DAPK1: variants seen among roughly 807,000 people sequenced by gnomAD.
DAPK1 encodes the protein death associated protein kinase 1.
DAPK1 carries 56 observed loss-of-function variants against 144.9 expected under a neutral mutation model. That is an observed-to-expected ratio of 0.39 (90% CI 0.31 to 0.48). The LOEUF is 0.48. Among genes scored for constraint, DAPK1 ranks in the 20% least tolerant of loss-of-function variants. DAPK1 has a pLI of 0.95. For synonymous variants in DAPK1, 690 were observed against 749.0 expected, an observed-to-expected ratio of 0.92 and a Z score of 1.29; for missense variants, 1,454 against 1,875.4, an observed-to-expected ratio of 0.78 and a Z score of 4.15.
chr9:87,649,523 G>C (rs1355962539), intron 15 of DAPK1, among the ~76,000 whole-genome samples: 1 of 152,226 alleles, frequency 6.6e-6, no homozygotes, highest in Non-Finnish European at 1.5e-5. Context: ...ACTGTTAGTA[G>C]TTTCAGATAA....
rs140399551 is a variant in DAPK1 at position 87,593,147 on chromosome 9, A to G, written c.63-11807A>G. ...CTACCCTCAGTTGTATTCAGTCTCC[A>G]GAGCAGGACAGACCTGTGAATGGTG... On this transcript the variant is annotated intron_variant, in intron 2 of 25. Coordinates refer to ENST00000408954, the MANE Select transcript of DAPK1 (RefSeq NM_004938.4). Among the ~76,000 whole-genome samples the G allele has an allele frequency of 1.7e-3, 260 of 152,358 alleles. 5 individuals carry two copies. Among genetic ancestry groups the G allele is most frequent in the African/African-American group, 6.1e-3 (252 of 41,596 alleles).
At chr9:87,594,703 C>G (rs750352221) in intron 2 of DAPK1, among the ~76,000 whole-genome samples, 4 of 152,218 alleles carry the variant, frequency 2.6e-5, no homozygotes, top group Non-Finnish European at 5.9e-5. Context: ...ACCCAAAATA[C>G]CCAGCCCCAC....
At chr9:87,684,521 C>A (rs989430360) in intron 20 of DAPK1, among the ~76,000 whole-genome samples, 1 of 152,196 alleles carries the variant, frequency 6.6e-6, no homozygotes, top group Non-Finnish European at 1.5e-5. Flanking sequence ...CGCTGGAGGC[C>A]AAGGCTGAGC....
chr9:87,598,528 A>G (rs985922396), intron 2 of DAPK1, among the ~76,000 whole-genome samples: 17 of 152,058 alleles, frequency 1.1e-4, no homozygotes, highest in Admixed American at 5.9e-4. Flanking sequence ...AACTTGTTCT[A>G]ATGGCATGTC....
At chr9:87,634,442 C>T (rs1829816363) in intron 3 of DAPK1, among the ~76,000 whole-genome samples, 1 of 152,240 alleles carries the variant, frequency 6.6e-6, no homozygotes, top group Non-Finnish European at 1.5e-5. Context: ...CATCGTCGTA[C>T]TTCTTGCATC....
rs776863449 is a variant in DAPK1, at chr9:87,686,608, G to A, written c.2282G>A (p.Arg761His). 10 of 1,604,810 alleles carry A rather than the reference G, an allele frequency of 6.2e-6. No homozygotes were observed. The highest frequency in any genetic ancestry group is 1.7e-5 in the Admixed American group (1 of 59,002). The change falls in exon 21 of 26, where the codon CGC (arginine) becomes CAC (histidine). Residue 761 changes from arginine to histidine, a missense_variant. Physicochemically the swap from Arg to His is conservative, Grantham distance 29. Coordinates refer to ENST00000408954, the MANE Select transcript of DAPK1 (RefSeq NM_004938.4). The surrounding 1 kb of genome is among the most constrained non-coding windows in gnomAD (Gnocchi z 4.2). Reference sequence around the variant, plus strand: ...TGCGAGAACGTGAGTGTGAGGAGCCGCAGCATGATGTTCGAGCCGGGTCTT... The same window carrying A: ...TGCGAGAACGTGAGTGTGAGGAGCCACAGCATGATGTTCGAGCCGGGTCTT... ...PGCENVSVRSRSMMFEPGLTK... is the reference protein window; with the variant it reads ...PGCENVSVRSHSMMFEPGLTK...
At chr9:87,585,342 G>A (rs1018640191) in intron 2 of DAPK1, among the ~76,000 whole-genome samples, 4 of 152,138 alleles carry the variant, frequency 2.6e-5, no homozygotes, top group African/African-American at 7.2e-5. Flanking sequence ...ACAGGAATTC[G>A]CTAAACAGGG....
intron 2 of DAPK1, among the ~76,000 whole-genome samples, chr9:87,583,078 C>T (rs908883203): frequency 1.3e-5 from 2 of 151,988 alleles, no homozygotes; most frequent in Admixed American, 6.5e-5. Flanking sequence ...AATGGCATGC[C>T]GTTTTTCTTT....
At chr9:87,628,580 G>C (rs190461728) in intron 3 of DAPK1, among the ~76,000 whole-genome samples, 5 of 152,264 alleles carry the variant, frequency 3.3e-5, no homozygotes, top group East Asian at 1.9e-4. Context: ...ACCCTTCAAG[G>C]CTTCCCCTAA....
chr9:87,497,771 A>G (rs961333508), upstream of DAPK1: 6 of 338,344 alleles, frequency 1.8e-5, no homozygotes, highest in Non-Finnish European at 2.7e-5. Flanking sequence ...GGCAGCTCGG[A>G]GGTGGGTGGG....
chr9:87,554,710 C>G (rs984430543), intron 2 of DAPK1, among the ~76,000 whole-genome samples: 1 of 152,158 alleles, frequency 6.6e-6, no homozygotes, highest in African/African-American at 2.4e-5. Flanking sequence ...CAACCTGGAC[C>G]CAAATGAGCA....
intron 2 of DAPK1, among the ~76,000 whole-genome samples, chr9:87,516,562 T>C (rs1219488187): frequency 6.6e-6 from 1 of 152,032 alleles, no homozygotes; most frequent in Admixed American, 6.6e-5. Flanking sequence ...TTTTTCAGGC[T>C]GATTTCTAAT....
chr9:87,675,537 C>G (rs983082769), intron 19 of DAPK1, among the ~76,000 whole-genome samples: 2 of 152,206 alleles, frequency 1.3e-5, no homozygotes, highest in Non-Finnish European at 1.5e-5. Context: ...AGAGGCGGCA[C>G]AGCTCTATAG....
intron 25 of DAPK1, among the ~76,000 whole-genome samples, chr9:87,704,243 A>G (rs953271412): frequency 2.0e-5 from 3 of 152,192 alleles, no homozygotes; most frequent in African/African-American, 7.2e-5. Flanking sequence ...AGATGACAAG[A>G]TACTGCTGGA....
intron 2 of DAPK1, among the ~76,000 whole-genome samples, chr9:87,597,126 G>A (rs914059750): frequency 6.6e-6 from 1 of 152,234 alleles, no homozygotes; most frequent in African/African-American, 2.4e-5. Context: ...GAGAACTCAA[G>A]CGGAAGTTCC....
chr9:87,648,592 A>C (rs1830341586), intron 14 of DAPK1, 189 bp from the exon 15 acceptor site: 2 of 581,828 alleles, frequency 3.4e-6, no homozygotes, highest in Non-Finnish European at 3.1e-6. Flanking sequence ...CTTAATACTC[A>C]CTGTGTGGTG....
At chr9:87,648,658 G>A in intron 14 of DAPK1, 123 bp from the exon 15 acceptor site, 1 of 796,916 alleles carries the variant, frequency 1.3e-6, no homozygotes, top group Non-Finnish European at 2.1e-6. Flanking sequence ...TGCCCAAGGT[G>A]GGTGGGTGGA....
At chr9:87,511,749 C>T (rs7871800) in intron 2 of DAPK1, among the ~76,000 whole-genome samples, 33,785 of 150,192 alleles carry the variant, frequency 0.22, 4,209 homozygotes, top group East Asian at 0.42. Context: ...CTCACTCTGT[C>T]ACCCGGCCTG....
chr9:87,537,909 A>G (rs949960545), intron 2 of DAPK1, among the ~76,000 whole-genome samples: 5 of 152,298 alleles, frequency 3.3e-5, no homozygotes, highest in African/African-American at 1.2e-4. Context: ...AGGAGTCACA[A>G]TGTGCTCTCA....
Sources: gnomAD v4.1 joint callset for allele counts (sites outside exome capture counted in the v4.1 genomes callset) on GRCh38, gnomAD v4.1.1 for gene constraint, Gnocchi (gnomAD v3.1) non-coding constraint, MANE v1.5 for transcripts, NCBI Gene and HGNC (gene_info 2026-07-23, HGNC 2026-07-21) for gene names.